ADAM32: variants seen among roughly 807,000 people sequenced by gnomAD.
The protein encoded by ADAM32 is disintegrin and metalloproteinase domain-containing protein 32.
Under a neutral mutation model 114.9 loss-of-function variants are expected in ADAM32, and 89 were observed. The observed-to-expected ratio is 0.77, with a 90% CI of 0.65 to 0.92. The LOEUF is 0.92. ADAM32 is among the 40% of genes least tolerant of loss of function. ADAM32 has a pLI of 0.00. For missense variants in ADAM32, 870 were observed against 932.8 expected (o/e 0.93, Z 0.88); for synonymous variants, 285 against 307.5 (o/e 0.93, Z 0.77).
rs368779043 is a variant in ADAM32 at position 39,180,237 on chromosome 8, C to T, written c.916-6672C>T. On this transcript the variant is annotated intron_variant, in intron 10 of 24. Transcript: ENST00000379907. The stretch of plus-strand genomic sequence containing the variant: ...GCGGGCCGGCCCTGCCGACCCCAGG[C>T]AGTGAGGGGCTTAGCACCTGGGCCA... Among the ~76,000 whole-genome samples, 605 of 152,344 alleles carry T rather than the reference C, an allele frequency of 4.0e-3. 2 individuals are homozygous for T. The highest frequency in any genetic ancestry group is 0.014 in the African/African-American group (573 of 41,584).
chr8:39,253,321 C>G (rs534631581), intron 17 of ADAM32, among the ~76,000 whole-genome samples: 1 of 151,698 alleles, frequency 6.6e-6, no homozygotes, highest in East Asian at 1.9e-4. Context: ...TAAAATTATA[C>G]TCAATGGTGA....
At chr8:39,234,559 GATA>G (rs1809975369) in intron 16 of ADAM32, among the ~76,000 whole-genome samples, 1 of 152,114 alleles carries the variant, frequency 6.6e-6, no homozygotes, top group Admixed American at 6.5e-5. Flanking sequence ...ATAAAGTAGG[GATA>G]ATAATAGCAT....
chr8:39,161,920 T>C (rs1159627553), intron 7 of ADAM32, among the ~76,000 whole-genome samples: 1 of 151,640 alleles, frequency 6.6e-6, no homozygotes, highest in African/African-American at 2.4e-5. Flanking sequence ...AAACTCCTTT[T>C]GTTTTTGGAT....
chr8:39,169,831 A>C (rs912710579), intron 9 of ADAM32, 85 bp from the exon 10 acceptor site: 1 of 1,002,852 alleles, frequency 1.0e-6, no homozygotes, highest in East Asian at 2.7e-5. Flanking sequence ...GGATTTTATG[A>C]ACTGCAGACT....
At chr8:39,160,415 C>T (rs1804425789) in intron 6 of ADAM32, among the ~76,000 whole-genome samples, 1 of 152,042 alleles carries the variant, frequency 6.6e-6, no homozygotes, top group African/African-American at 2.4e-5. Flanking sequence ...TGGCAGGCGC[C>T]TGTAGTCCCA....
intron 2 of ADAM32, among the ~76,000 whole-genome samples, chr8:39,134,703 T>C (rs1380293500): frequency 6.6e-6 from 1 of 152,186 alleles, no homozygotes; most frequent in Non-Finnish European, 1.5e-5. Context: ...TAAACTTCTG[T>C]ATATAGTCTG....
intron 16 of ADAM32, among the ~76,000 whole-genome samples, chr8:39,237,292 G>A (rs1810222507): frequency 6.6e-6 from 1 of 152,168 alleles, no homozygotes; most frequent in Admixed American, 6.5e-5. Context: ...TTGGGGAAGG[G>A]CCACAAGGAT....
rs575210732 is a variant in ADAM32 at position 39,250,897 on chromosome 8, G to T, written c.1903-3517G>T. ...GCATCTTCATGAATCCACTTTTTTA[G>T]CTTCCACATAAGAGTGAGAACATGT... On this transcript the variant is annotated intron_variant, in intron 17 of 24. Coordinates refer to ENST00000379907, the MANE Select transcript of ADAM32 (RefSeq NM_145004.7). 5.3e-5 allele frequency among the ~76,000 whole-genome samples: 8 copies of T among 151,890 alleles called. No homozygotes were observed. In the East Asian group the frequency reaches 1.5e-3, roughly 29 times the overall value.
intron 22 of ADAM32, among the ~76,000 whole-genome samples, chr8:39,277,374 T>G (rs1461246728): frequency 6.6e-6 from 1 of 152,262 alleles, no homozygotes; most frequent in Non-Finnish European, 1.5e-5. Flanking sequence ...TTTGACATGG[T>G]GGCTGTGCTT....
At chr8:39,278,200 C>T (rs180712490) in intron 22 of ADAM32, among the ~76,000 whole-genome samples, 107 of 152,250 alleles carry the variant, frequency 7.0e-4, no homozygotes, top group Admixed American at 4.1e-3. Context: ...CCCTTCTCTC[C>T]GACATCCAGC....
At chr8:39,277,943 T>C (rs1287070390) in intron 22 of ADAM32, among the ~76,000 whole-genome samples, 1 of 152,230 alleles carries the variant, frequency 6.6e-6, no homozygotes, top group Non-Finnish European at 1.5e-5. Context: ...GAAGGGACAG[T>C]GTGACAGCCT....
chr8:39,214,270 T>C (rs1056518896), intron 12 of ADAM32, among the ~76,000 whole-genome samples: 1 of 152,308 alleles, frequency 6.6e-6, no homozygotes, highest in Admixed American at 6.5e-5. Context: ...CAAACTGTTA[T>C]ACATAGTGAT....
At chr8:39,131,612 T>A (rs1473656107) in intron 2 of ADAM32, among the ~76,000 whole-genome samples, 1 of 152,236 alleles carries the variant, frequency 6.6e-6, no homozygotes, top group Non-Finnish European at 1.5e-5. Context: ...TCCTTTCAGT[T>A]CTGTCAGTTG....
Position 39,128,997 on chromosome 8 carries a change from G to T in ADAM32, c.139-7660G>T, listed in dbSNP as rs906879544. On this transcript the variant is annotated intron_variant, in intron 2 of 24. Transcript: ENST00000379907. ...TTTTCATGCTATTGTGAACTGAAAT[G>T]CTCCTTTAATTTGATTTTTCAGATT... Among the ~76,000 whole-genome samples the T allele has an allele frequency of 2.0e-5, 3 of 151,954 alleles. No individual in the cohort carries two copies. In the East Asian group the frequency reaches 5.8e-4, roughly 29 times the overall value.
intron 14 of ADAM32, among the ~76,000 whole-genome samples, chr8:39,226,582 C>G (rs1809383556): frequency 6.6e-6 from 1 of 151,742 alleles, no homozygotes; most frequent in African/African-American, 2.4e-5. Flanking sequence ...GTTGGATTTT[C>G]TCAGCAGATA....
Position 39,118,089 on chromosome 8 carries a change from T to G in ADAM32, c.62T>G (p.Phe21Cys). Residue 21 changes from phenylalanine (F) to cysteine (C), a missense_variant, in exon 2 of 25, where the codon TTT becomes TGT. Transcript: ENST00000379907. Reference protein sequence around the residue: ...LCGLLASRPGFQNSLLQIVIP... With the variant: ...LCGLLASRPGCQNSLLQIVIP... ...TTTTTTTTTTTTATCTCTTCAGGTT[T>G]TCAAAATTCACTTCTACAGATCGTA... 1.4e-6 allele frequency: 2 copies of G among 1,476,408 alleles called. No individual in the cohort carries two copies. Among genetic ancestry groups the G allele is most frequent in the Non-Finnish European group, 1.8e-6 (2 of 1,110,972 alleles). 91.5% of individuals were successfully genotyped at this position (1,476,408 alleles called of 1,614,324 possible).
intron 16 of ADAM32, among the ~76,000 whole-genome samples, chr8:39,237,544 A>G (rs1237601231): frequency 6.7e-6 from 1 of 149,548 alleles, no homozygotes; most frequent in East Asian, 2.0e-4. Context: ...CTTGGGGAGC[A>G]TGGTGGGAGT....
At chr8:39,246,461 A>G (rs748766287) in intron 17 of ADAM32, among the ~76,000 whole-genome samples, 3 of 152,238 alleles carry the variant, frequency 2.0e-5, no homozygotes, top group Non-Finnish European at 4.4e-5. Flanking sequence ...AAAGATAATT[A>G]TGCTGTAATT....
rs1804741381 is a variant in ADAM32 at position 39,165,057 on chromosome 8, G to A, written c.694G>A (p.Val232Met). 1.2e-6 allele frequency: 2 copies of A among 1,606,944 alleles called. No homozygotes were observed. Among genetic ancestry groups the A allele is most frequent in the Non-Finnish European group, 1.7e-6 (2 of 1,176,746 alleles). The stretch of plus-strand genomic sequence containing the variant: ...GTTCACCCAATTTAAAGTTACTATT[G>A]TGCTGTCATCATTGGAGTTATGGTC... ...SMFTQFKVTI[V>M]LSSLELWSDE... is the part of the protein sequence containing the mutation. Residue 232 changes from valine (V) to methionine (M), a missense_variant, in exon 9 of 25, where the codon GTG becomes ATG. Coordinates refer to ENST00000379907, the MANE Select transcript of ADAM32 (RefSeq NM_145004.7).
Sources: gnomAD v4.1 joint callset for allele counts (sites outside exome capture counted in the v4.1 genomes callset) on GRCh38, gnomAD v4.1.1 for gene constraint, MANE v1.5 for transcripts, NCBI Gene and HGNC (gene_info 2026-07-23, HGNC 2026-07-21) for gene names.